ABCA6: variants seen among roughly 807,000 people sequenced by gnomAD.
The protein encoded by ABCA6 is ATP binding cassette subfamily A member 6, also known as ATP-binding cassette sub-family A member 6.
A neutral mutation model predicts 191.2 loss-of-function variants in ABCA6; 164 were observed. That is an observed-to-expected ratio of 0.86 (90% confidence interval 0.76 to 0.98). The LOEUF is 0.98. ABCA6 is among the 50% of genes least tolerant of loss of function. ABCA6 has a pLI of 0.00. For missense variants in ABCA6, 1,958 were observed against 1,894.1 expected, an observed-to-expected ratio of 1.03 and a Z score of -0.63; for synonymous variants, 636 against 647.7, an observed-to-expected ratio of 0.98 and a Z score of 0.27.
Position 69,115,412 on chromosome 17 carries a change from G to T in ABCA6, c.1570C>A (p.Leu524Ile), listed in dbSNP as rs1386864206. The T allele has an allele frequency of 1.9e-6, 3 of 1,611,464 alleles. No individual in the cohort carries two copies. Among genetic ancestry groups the T allele is most frequent in the African/African-American group, 2.7e-5 (2 of 74,778 alleles). Reference sequence around the variant, plus strand: ...ACAGACAATCCATTAAGAATATTTAGCAGTGAAGATTTGCCAGCTCCACTG... The same window carrying T: ...ACAGACAATCCATTAAGAATATTTATCAGTGAAGATTTGCCAGCTCCACTG... ...GHSGAGKSSL[L>I]NILNGLSVPT... The change falls in exon 12 of 39, where the codon CTA (leucine) becomes ATA (isoleucine). Residue 524 changes from leucine (L) to isoleucine (I), a missense_variant. By Grantham distance (5) the Leu-to-Ile change is conservative (BLOSUM62 2). Transcript: ENST00000284425.
At chr17:69,101,902 T>TTTTATAGCA (rs1399864064) in intron 21 of ABCA6, among the ~76,000 whole-genome samples, 2 of 152,334 alleles carry the variant, frequency 1.3e-5, no homozygotes, top group East Asian at 1.9e-4. Flanking sequence ...CATATTTAGT[T>TTTTATAGCA]TATGTAGAAC....
In ABCA6 at chr17:69,100,835, T is replaced by G. The variant is rs144358941; in HGVS notation, c.2974A>C (p.Thr992Pro). 3.7e-5 allele frequency: 60 copies of G among 1,612,784 alleles called. No individual in the cohort carries two copies. The African/African-American group carries it at 7.6e-4, about 20-fold the overall frequency. Residue 992 changes from threonine (T) to proline (P), a missense_variant, in exon 22 of 39, where the codon ACA becomes CCA. Coordinates refer to ENST00000284425, the MANE Select transcript of ABCA6 (RefSeq NM_080284.3). ...CTTGACTCAATTCGAATATGTTGTG[T>G]GTGATTAAACATTTGAAGTAGCCCA... ...SNGLLQMFNH[T>P]QHIRIESSPF...
At chr17:69,120,940 A>G (rs769355648) in intron 10 of ABCA6, among the ~76,000 whole-genome samples, 1 of 152,022 alleles carries the variant, frequency 6.6e-6, no homozygotes, top group Non-Finnish European at 1.5e-5. Flanking sequence ...TCTGGTTAGA[A>G]TTCTACAAAC....
intron 20 of ABCA6, 88 bp from the exon 21 acceptor site, chr17:69,103,056 T>A: frequency 1.3e-6 from 1 of 774,936 alleles, no homozygotes; most frequent in Non-Finnish European, 2.0e-6. Context: ...TAATTAAAGT[T>A]AATATTTATG....
chr17:69,083,806 A>G (rs2072701141), intron 34 of ABCA6, among the ~76,000 whole-genome samples: 1 of 152,218 alleles, frequency 6.6e-6, no homozygotes, highest in African/African-American at 2.4e-5. Flanking sequence ...TATTATTCCA[A>G]AGGGTAAATC....
At chr17:69,079,130 T>A in intron 38 of ABCA6, 56 bp from the exon 39 acceptor site, 1 of 1,576,326 alleles carries the variant, frequency 6.3e-7, no homozygotes, top group African/African-American at 1.4e-5. Context: ...AAGTTGTTGG[T>A]CTTCCAAATG....
At chr17:69,105,270 C>T in intron 20 of ABCA6, 192 bp downstream of exon 20, 1 of 583,134 alleles carries the variant, frequency 1.7e-6, no homozygotes. Context: ...AGTTCTTTTT[C>T]TCTTGTCCTC....
At chr17:69,092,718 C>T (rs2072953816) in intron 25 of ABCA6, among the ~76,000 whole-genome samples, 1 of 152,176 alleles carries the variant, frequency 6.6e-6, no homozygotes, top group Non-Finnish European at 1.5e-5. Flanking sequence ...ACATTGCCTA[C>T]ACTGTCCTTC....
At position 69,085,071 on chromosome 17, in the gene ABCA6, C is replaced by A; in HGVS notation, c.4141G>T (p.Val1381Phe). Residue 1381 changes from valine (V) to phenylalanine (F), a missense_variant, in exon 32 of 39, where the codon GTC (valine) becomes TTC (phenylalanine). Val to Phe is a conservative substitution (Grantham distance 50, BLOSUM62 -1). Transcript: ENST00000284425. ...LREHLEVYAA[V>F]KGLRKADARL... The stretch of plus-strand genomic sequence containing the variant: ...GCGTCCGCTTTCCTGAGCCCCTTGA[C>A]GGCAGCATACACCTCCAGGTGTTCC... The A allele has an allele frequency of 6.2e-7, 1 of 1,613,564 alleles. No individual in the cohort carries two copies. The highest frequency in any genetic ancestry group is 8.5e-7 in the Non-Finnish European group (1 of 1,179,846).
At chr17:69,123,188 A>G (rs2073682554) in intron 10 of ABCA6, 51 bp downstream of exon 10, 1 of 1,200,962 alleles carries the variant, frequency 8.3e-7, no homozygotes, top group Non-Finnish European at 1.1e-6. Flanking sequence ...AAATAATAAT[A>G]ATTCTTCAGC....
chr17:69,094,167 A>T (rs1375428117), intron 25 of ABCA6: 1 of 152,234 alleles, frequency 6.6e-6, no homozygotes. Flanking sequence ...GAACACCTTA[A>T]TCACCATGTT....
chr17:69,097,865 C>T, intron 23 of ABCA6, 55 bp downstream of exon 23: 1 of 1,292,196 alleles, frequency 7.7e-7, no homozygotes, highest in South Asian at 1.5e-5. Context: ...ACATAGCATT[C>T]AAAATACAGA....
chr17:69,137,615 T>C, intron 2 of ABCA6, 115 bp from the exon 3 acceptor site: 6 of 913,564 alleles, frequency 6.6e-6, no homozygotes, highest in Non-Finnish European at 8.0e-6. Context: ...AGTTATGTTC[T>C]CTCTGCTCTC....
At position 69,083,101 on chromosome 17, in the gene ABCA6, T is replaced by G. The variant is rs558237747; in HGVS notation, c.4476-88A>C. 1.9e-6 allele frequency: 3 copies of G among 1,581,740 alleles called. No individual in the cohort carries two copies. The African/African-American group carries it at 4.1e-5, about 21-fold the overall frequency. Reference sequence around the variant, plus strand: ...TAAATTTCAAATGTAGAAGAAAAGGTGTCACCAAGGAAGCCAAACGGAAGG... The same window carrying G: ...TAAATTTCAAATGTAGAAGAAAAGGGGTCACCAAGGAAGCCAAACGGAAGG... On this transcript the variant is annotated intron_variant, in intron 35 of 38. Coordinates refer to ENST00000284425, the MANE Select transcript of ABCA6 (RefSeq NM_080284.3).
intron 34 of ABCA6, 89 bp from the exon 35 acceptor site, chr17:69,083,420 ATCCT>A: frequency 7.6e-7 from 1 of 1,321,032 alleles, no homozygotes. Context: ...TCATATTCAG[ATCCT>A]AATGCAAAAA....
chr17:69,104,343 G>A (rs2073244130), intron 20 of ABCA6: 1 of 152,102 alleles, frequency 6.6e-6, no homozygotes, highest in African/African-American at 2.4e-5. Context: ...GAGCTCATAG[G>A]TAAAGAAACC....
Position 69,110,867 on chromosome 17 carries a change from A to G in ABCA6, c.2206T>C (p.Leu736=). Residue 736 remains leucine (L), a synonymous_variant, in exon 17 of 39, where the codon TTA becomes CTA. Transcript: ENST00000284425. ...FITHHIPDAK[L]KTENKEKLVY... ...AGCTTTTCTTTGTTTTCTGTTTTTA[A>G]TTTAGCATCGGGGATGTGATGAGTA... 6.2e-7 allele frequency: 1 copy of G among 1,612,098 alleles called. No homozygotes were observed. The highest frequency in any genetic ancestry group is 8.5e-7 in the Non-Finnish European group (1 of 1,179,044).
chr17:69,118,539 A>G (rs111799974), intron 10 of ABCA6, among the ~76,000 whole-genome samples: 65 of 152,186 alleles, frequency 4.3e-4, no homozygotes, highest in Middle Eastern at 3.4e-3. Context: ...TTCTGAACTC[A>G]CCACTCCAGT....
chr17:69,087,250 A>G (rs1467873560), intron 29 of ABCA6, 103 bp downstream of exon 29: 21 of 1,465,590 alleles, frequency 1.4e-5, no homozygotes, highest in Non-Finnish European at 1.8e-5. Flanking sequence ...ACAGAAATGC[A>G]CCAAACTCCA....
Sources: allele counts gnomAD v4.1 joint callset (sites outside exome capture counted in the v4.1 genomes callset), GRCh38; gene constraint gnomAD v4.1.1; transcripts MANE v1.5; gene names NCBI Gene and HGNC (gene_info 2026-07-23, HGNC 2026-07-21).